TAOK3: variants seen among roughly 807,000 people sequenced by gnomAD.
The protein encoded by TAOK3 is serine/threonine-protein kinase TAO3.
A neutral mutation model predicts 120.4 loss-of-function variants in TAOK3; 40 were observed. The observed-to-expected ratio is 0.33, with a 90% CI of 0.26 to 0.43. The LOEUF (loss-of-function observed/expected upper bound fraction) is 0.43. Ranked by LOEUF, TAOK3 falls within the 20% of genes least tolerant of loss-of-function variation. The probability of loss-of-function intolerance (pLI) is 1.00; values close to 1 mark genes in which losing one functional copy is unlikely to be tolerated. For missense variants in TAOK3, 821 were observed against 1,112.1 expected (o/e 0.74, Z 3.72); for synonymous variants, 355 against 387.5 (o/e 0.92, Z 0.99).
chr12:118,355,328 T>G (rs1040140395), intron 1 of TAOK3, among the ~76,000 whole-genome samples: 1 of 152,166 alleles, frequency 6.6e-6, no homozygotes, highest in Non-Finnish European at 1.5e-5. Flanking sequence ...ACAAACACAC[T>G]CTGCTGAGAA....
In TAOK3 at chr12:118,182,625, T is replaced by TATATATATATATA. The variant is rs35580550; in HGVS notation, c.1330-1019_1330-1018insTATATATATATAT. 9.1e-4 allele frequency among the ~76,000 whole-genome samples: 52 copies of TATATATATATATA among 57,066 alleles called. No individual in the cohort carries two copies. The East Asian group carries it at 0.018, about 20-fold the overall frequency. The allele number at this position is 57,066 out of a possible 152,430, so 37.4% of individuals were successfully genotyped here. A position where few individuals can be genotyped will look rare whatever the true frequency, so the allele number is the denominator to read the frequency against. ...TATATATATATATATATATATATAT[T>TATATATATATATA]TTTTTTTTTTTTTAAGGATCATGTC... On this transcript the variant is annotated intron_variant, in intron 14 of 20. Coordinates refer to ENST00000392533, the MANE Select transcript of TAOK3 (RefSeq NM_016281.4).
intron 1 of TAOK3, among the ~76,000 whole-genome samples, chr12:118,328,200 AC>A (rs1268666074): frequency 6.6e-6 from 1 of 151,970 alleles, no homozygotes; most frequent in Non-Finnish European, 1.5e-5. Flanking sequence ...AGCTGGGATT[AC>A]AGCCACCCGC....
chr12:118,221,284 C>T (rs1173796825), intron 9 of TAOK3, among the ~76,000 whole-genome samples: 1 of 152,060 alleles, frequency 6.6e-6, no homozygotes, highest in Non-Finnish European at 1.5e-5. Context: ...AGTGAAGAGG[C>T]ATGATCTGGG....
intron 1 of TAOK3, among the ~76,000 whole-genome samples, chr12:118,277,362 G>A (rs2041938396): frequency 6.6e-6 from 1 of 152,118 alleles, no homozygotes; most frequent in South Asian, 2.1e-4. Flanking sequence ...CAATTCAAGT[G>A]GTACCACTTG....
At chr12:118,337,597 C>T (rs895056646) in intron 1 of TAOK3, among the ~76,000 whole-genome samples, 22 of 152,114 alleles carry the variant, frequency 1.4e-4, no homozygotes, top group African/African-American at 5.3e-4. Context: ...AAGGTATTAA[C>T]TATTGACACA....
chr12:118,235,513 G>T (rs1260862047), intron 8 of TAOK3, 45 bp downstream of exon 8: 8 of 1,454,260 alleles, frequency 5.5e-6, no homozygotes, highest in African/African-American at 1.4e-5. Context: ...TTGAGTTCAT[G>T]TATGCAGATT....
intron 2 of TAOK3, among the ~76,000 whole-genome samples, chr12:118,257,319 C>G (rs1437005240): frequency 2.0e-5 from 3 of 152,170 alleles, no homozygotes; most frequent in African/African-American, 7.2e-5. Flanking sequence ...GCAAGTTATT[C>G]TGCTGCTACA....
intron 1 of TAOK3, among the ~76,000 whole-genome samples, chr12:118,313,645 C>T (rs2043344343): frequency 6.6e-6 from 1 of 152,098 alleles, no homozygotes; most frequent in Non-Finnish European, 1.5e-5. Flanking sequence ...TTTATTTTGT[C>T]AAAAGTAACC....
At chr12:118,195,472 G>C (rs1371636953) in intron 13 of TAOK3, among the ~76,000 whole-genome samples, 1 of 152,162 alleles carries the variant, frequency 6.6e-6, no homozygotes, top group Non-Finnish European at 1.5e-5. Context: ...ATTTGTACCG[G>C]AGTCACTTGT....
chr12:118,151,198 C>T, intron 20 of TAOK3, 40 bp from the exon 21 acceptor site: 1 of 1,602,882 alleles, frequency 6.2e-7, no homozygotes, highest in Non-Finnish European at 8.5e-7. Flanking sequence ...GAAAGCATCT[C>T]CTAACAGGCA....
intron 1 of TAOK3, among the ~76,000 whole-genome samples, chr12:118,267,801 C>T (rs1386486997): frequency 6.7e-6 from 1 of 148,716 alleles, no homozygotes; most frequent in Admixed American, 6.9e-5. Flanking sequence ...AGGAGAATCG[C>T]TTGAACCCAG....
chr12:118,197,211 C>T (rs2037774041), intron 13 of TAOK3, among the ~76,000 whole-genome samples: 1 of 152,190 alleles, frequency 6.6e-6, no homozygotes, highest in South Asian at 2.1e-4. Flanking sequence ...GTTTTATTTG[C>T]AAATGTGTTT....
intron 19 of TAOK3, 146 bp from the exon 20 acceptor site, chr12:118,152,555 C>G (rs1244831902): frequency 1.4e-6 from 1 of 706,934 alleles, no homozygotes; most frequent in Non-Finnish European, 2.3e-6. Context: ...TGGGTACATT[C>G]AGAGTTGGGA....
At position 118,224,856 on chromosome 12, in the gene TAOK3, C is replaced by A. The variant is rs866454077; in HGVS notation, c.643+8818G>T. Among the ~76,000 whole-genome samples, 6 of 151,874 alleles carry A rather than the reference C, an allele frequency of 4.0e-5. No individual in the cohort carries two copies. In the South Asian group the frequency reaches 8.3e-4, roughly 21 times the overall value. On this transcript the variant is annotated intron_variant, in intron 9 of 20. Coordinates refer to ENST00000392533, the MANE Select transcript of TAOK3 (RefSeq NM_016281.4). ...ATACTATTATAGAAGAGACAGACAC[C>A]ATAAAGAAAGGGGATAACAAGCTAT...
intron 9 of TAOK3, among the ~76,000 whole-genome samples, chr12:118,218,961 A>C (rs1046918614): frequency 6.6e-6 from 1 of 152,156 alleles, no homozygotes; most frequent in Non-Finnish European, 1.5e-5. Flanking sequence ...TCATAAATAA[A>C]TAACTAAATA....
intron 1 of TAOK3, among the ~76,000 whole-genome samples, chr12:118,331,189 G>T: frequency 6.6e-6 from 1 of 152,092 alleles, no homozygotes; most frequent in East Asian, 1.9e-4. Context: ...CTTAACCTTT[G>T]ATTACTGAAT....
At chr12:118,336,101 A>T (rs11834916) in intron 1 of TAOK3, among the ~76,000 whole-genome samples, 4,535 of 152,290 alleles carry the variant, frequency 0.03, 195 homozygotes, top group African/African-American at 0.094. Flanking sequence ...GCTAAATCTG[A>T]CGTTTACATG....
At position 118,200,153 on chromosome 12, in the gene TAOK3, A is replaced by G. The variant is rs931330205; in HGVS notation, c.988-896T>C. 3.1e-4 allele frequency: 47 copies of G among 152,214 alleles called. 1 individual carries two copies. The highest frequency in any genetic ancestry group is 1.1e-3 in the African/African-American group (46 of 41,448). 9.4% of individuals were successfully genotyped at this position (152,214 alleles called of 1,614,324 possible). ...AGACTTATTTTCCCAATTAAAGGGG[A>G]TCATTTCTATATATGCAATCAAGAA... is the stretch of plus-strand genomic sequence containing the variant. On this transcript the variant is annotated intron_variant, in intron 12 of 20. Coordinates refer to ENST00000392533, the MANE Select transcript of TAOK3 (RefSeq NM_016281.4).
At chr12:118,156,336 T>C (rs924976858) in intron 19 of TAOK3, among the ~76,000 whole-genome samples, 1 of 152,196 alleles carries the variant, frequency 6.6e-6, no homozygotes, top group Non-Finnish European at 1.5e-5. Flanking sequence ...CTTTGTCTTC[T>C]GAGATACCAC....
Sources: gnomAD v4.1 joint callset for allele counts (sites outside exome capture counted in the v4.1 genomes callset) on GRCh38, gnomAD v4.1.1 for gene constraint, MANE v1.5 for transcripts, NCBI Gene and HGNC (gene_info 2026-07-23, HGNC 2026-07-21) for gene names.